Variants in HEATR5A observed in about 807,000 individuals in gnomAD.
HEATR5A encodes HEAT repeat-containing protein 5A.
In HEATR5A, 178 loss-of-function variants were observed where a neutral mutation model predicts 218.8. That is an observed-to-expected ratio of 0.81 (90% CI 0.72 to 0.92). The LOEUF is 0.92. Among genes scored for constraint, HEATR5A ranks in the 40% least tolerant of loss-of-function variants. HEATR5A has a pLI of 0.00. For synonymous variants in HEATR5A, 864 were observed against 871.6 expected (o/e 0.99, Z 0.15); for missense variants, 2,420 against 2,418.9 (o/e 1.00, Z -0.01).
chr14:31,390,190 G>T (rs77699808), intron 6 of HEATR5A, among the ~76,000 whole-genome samples: 5,681 of 152,240 alleles, frequency 0.037, 321 homozygotes, highest in Admixed American at 0.11. Context: ...AGTGGAGGGG[G>T]TAGGTAGGAG....
intron 7 of HEATR5A, 99 bp from the exon 8 acceptor site, chr14:31,387,474 T>A (rs899533780): frequency 2.2e-6 from 2 of 901,344 alleles, no homozygotes; most frequent in Admixed American, 5.8e-5. Flanking sequence ...TTCTTATTCC[T>A]TATAAATTGT....
chr14:31,295,784 A>T, intron 34 of HEATR5A, 125 bp downstream of exon 34: 1 of 718,966 alleles, frequency 1.4e-6, no homozygotes, highest in Non-Finnish European at 2.3e-6. Context: ...AATTAATCTT[A>T]AATCTAAAAA....
chr14:31,345,404 G>GA, intron 19 of HEATR5A, 128 bp from the exon 20 acceptor site: 1 of 696,220 alleles, frequency 1.4e-6, no homozygotes. Context: ...TACTCATGTG[G>GA]AAAGAGAAAT....
At chr14:31,406,199 T>C (rs532662300) in intron 1 of HEATR5A, among the ~76,000 whole-genome samples, 43 of 152,324 alleles carry the variant, frequency 2.8e-4, no homozygotes, top group African/African-American at 9.1e-4. Context: ...ACCTGAGAAA[T>C]GCTTATTTTT....
At chr14:31,310,193 T>C (rs1016209015) in intron 28 of HEATR5A, among the ~76,000 whole-genome samples, 8 of 151,370 alleles carry the variant, frequency 5.3e-5, no homozygotes, top group African/African-American at 2.0e-4. Context: ...GGCATCATAC[T>C]GTATGTATCC....
chr14:31,340,895 T>C (rs1900818013), intron 21 of HEATR5A, among the ~76,000 whole-genome samples: 1 of 152,170 alleles, frequency 6.6e-6, no homozygotes, highest in South Asian at 2.1e-4. Context: ...AGTTTAACTC[T>C]TAGAAGCCAA....
intron 8 of HEATR5A, 43 bp downstream of exon 8, chr14:31,387,077 C>T (rs754169289): frequency 1.5e-5 from 24 of 1,598,756 alleles, no homozygotes; most frequent in Non-Finnish European, 2.0e-5. Flanking sequence ...AGGGACAATT[C>T]CATTAGCACT....
chr14:31,373,587 T>C (rs1006587487), intron 12 of HEATR5A, among the ~76,000 whole-genome samples: 1 of 152,158 alleles, frequency 6.6e-6, no homozygotes, highest in Non-Finnish European at 1.5e-5. Flanking sequence ...CACCTCAGCC[T>C]CCCAAAGTGC....
intron 14 of HEATR5A, 126 bp downstream of exon 14, chr14:31,364,063 C>T (rs1290473855): frequency 5.5e-6 from 3 of 544,964 alleles, no homozygotes; most frequent in East Asian, 5.9e-5. Context: ...CCCTAAACCT[C>T]CTAGAAACAA....
intron 32 of HEATR5A, among the ~76,000 whole-genome samples, chr14:31,304,065 C>T (rs1474372884): frequency 1.3e-5 from 2 of 152,026 alleles, no homozygotes; most frequent in Admixed American, 1.3e-4. Context: ...AAAAAATTAG[C>T]CAGGTATGGT....
chr14:31,324,353 C>G (rs958777621), intron 23 of HEATR5A, among the ~76,000 whole-genome samples: 1 of 152,190 alleles, frequency 6.6e-6, no homozygotes, highest in African/African-American at 2.4e-5. Flanking sequence ...GAATTATCTC[C>G]TCTACTTATT....
At chr14:31,336,442 G>A (rs1407405610) in intron 22 of HEATR5A, among the ~76,000 whole-genome samples, 1 of 151,422 alleles carries the variant, frequency 6.6e-6, no homozygotes, top group Non-Finnish European at 1.5e-5. Flanking sequence ...TCTCGCCTTA[G>A]CCTCACAAAG....
At chr14:31,347,929 T>A in intron 18 of HEATR5A, 22 bp from the exon 19 acceptor site, 1 of 1,406,498 alleles carries the variant, frequency 7.1e-7, no homozygotes, top group South Asian at 1.6e-5. Flanking sequence ...AAAATAAAAA[T>A]AAACGGTAAT....
chr14:31,387,085 A>G, intron 8 of HEATR5A, 35 bp downstream of exon 8: 1 of 1,605,288 alleles, frequency 6.2e-7, no homozygotes, highest in South Asian at 1.1e-5. Flanking sequence ...TTCCATTAGC[A>G]CTGTTAAACA....
chr14:31,338,231 G>A (rs1900730606), intron 21 of HEATR5A, among the ~76,000 whole-genome samples: 1 of 152,178 alleles, frequency 6.6e-6, no homozygotes, highest in African/African-American at 2.4e-5. Context: ...GCTTACCACA[G>A]TACCTGTCAA....
intron 3 of HEATR5A, among the ~76,000 whole-genome samples, chr14:31,399,480 T>C (rs558512258): frequency 3.3e-5 from 5 of 152,336 alleles, no homozygotes; most frequent in Non-Finnish European, 5.9e-5. Flanking sequence ...GAAAACTTTA[T>C]GGGGGAATAC....
chr14:31,344,675 T>A lies in HEATR5A; in HGVS notation c.3058+412A>T, dbSNP rs1234009094. Among the ~76,000 whole-genome samples, 2 of 40,174 alleles carry A rather than the reference T, an allele frequency of 5.0e-5. 1 individual carries two copies. Among genetic ancestry groups the A allele is most frequent in the Non-Finnish European group, 2.3e-4 (2 of 8,578 alleles). The allele number at this position is 40,174 out of a possible 152,430, so 26.4% of individuals were successfully genotyped here. On this transcript the variant is annotated intron_variant, in intron 20 of 35. Transcript: ENST00000543095. ...ACTATCAGTAGGTTATACCAAATTT[T>A]CATAAAAAGTGGAATTAGAAATTGC... is the stretch of plus-strand genomic sequence containing the variant.
chr14:31,408,860 G>A (rs1326580399), intron 1 of HEATR5A, among the ~76,000 whole-genome samples: 1 of 144,936 alleles, frequency 6.9e-6, no homozygotes, highest in Non-Finnish European at 1.5e-5. Context: ...GGGAGGCCGA[G>A]GCGGGCGGAT....
At position 31,293,128 on chromosome 14, in the gene HEATR5A, C is replaced by A. The variant is rs777911336; in HGVS notation, c.*177G>T. 2.0e-5 allele frequency: 10 copies of A among 492,120 alleles called. 1 individual carries two copies. Among genetic ancestry groups the A allele is most frequent in the Non-Finnish European group, 3.5e-5 (10 of 284,212 alleles). 30.5% of individuals were successfully genotyped at this position (492,120 alleles called of 1,614,324 possible). On this transcript the variant is annotated 3_prime_UTR_variant, in exon 36 of 36. Transcript: ENST00000543095. ...AAACAAAACAAAACAAAACACAAACCCCACGCACACACACAAAAATGTTAA... is the reference window on the plus strand; with the variant it reads ...AAACAAAACAAAACAAAACACAAACACCACGCACACACACAAAAATGTTAA...
Sources: gnomAD v4.1 joint callset for allele counts (sites outside exome capture counted in the v4.1 genomes callset) on GRCh38, gnomAD v4.1.1 for gene constraint, MANE v1.5 for transcripts, NCBI Gene and HGNC (gene_info 2026-07-23, HGNC 2026-07-21) for gene names.